WDR70: variants seen among roughly 807,000 people sequenced by gnomAD.
WDR70 encodes WD repeat domain 70.
A neutral mutation model predicts 88.6 loss-of-function variants in WDR70; 53 were observed. The observed-to-expected ratio is 0.60, with a 90% confidence interval of 0.48 to 0.75. The LOEUF is 0.75. WDR70 is among the 30% of genes least tolerant of loss of function. The pLI is 0.00. For missense variants in WDR70, 610 were observed against 823.2 expected (o/e 0.74, Z 3.17); for synonymous variants, 280 against 270.0 (o/e 1.04, Z -0.36).
chr5:37,664,947 C>A (rs1480928603), intron 10 of WDR70, among the ~76,000 whole-genome samples: 1 of 152,186 alleles, frequency 6.6e-6, no homozygotes, highest in Non-Finnish European at 1.5e-5. Flanking sequence ...TCAAGGCAAT[C>A]TAAAGAATAG....
At chr5:37,581,337 A>C (rs956752168) in intron 9 of WDR70, among the ~76,000 whole-genome samples, 4 of 152,226 alleles carry the variant, frequency 2.6e-5, no homozygotes, top group Admixed American at 1.3e-4. Context: ...TGCTTTGTGT[A>C]TATTTCTCAT....
chr5:37,449,683 T>C (rs1373584874), intron 7 of WDR70, among the ~76,000 whole-genome samples: 1 of 151,830 alleles, frequency 6.6e-6, no homozygotes, highest in Non-Finnish European at 1.5e-5. Flanking sequence ...CCTGCCCCAG[T>C]TCTAGAATCA....
At chr5:37,479,178 CAAT>C (rs1298853776) in intron 7 of WDR70, among the ~76,000 whole-genome samples, 1 of 151,914 alleles carries the variant, frequency 6.6e-6, no homozygotes, top group Non-Finnish European at 1.5e-5. Context: ...AAGTTTATAA[CAAT>C]AATGAGAGGA....
At chr5:37,597,089 A>G (rs1743725216) in intron 9 of WDR70, among the ~76,000 whole-genome samples, 1 of 152,212 alleles carries the variant, frequency 6.6e-6, no homozygotes. Flanking sequence ...TATTTAGTGC[A>G]TTAACAGAAT....
intron 9 of WDR70, among the ~76,000 whole-genome samples, chr5:37,601,078 A>C (rs1279747173): frequency 6.6e-6 from 1 of 152,194 alleles, no homozygotes; most frequent in African/African-American, 2.4e-5. Flanking sequence ...GAAATTGTCA[A>C]AGTGGGTATC....
intron 9 of WDR70, among the ~76,000 whole-genome samples, chr5:37,588,644 A>G (rs981749829): frequency 2.6e-5 from 4 of 152,078 alleles, no homozygotes; most frequent in African/African-American, 9.7e-5. Flanking sequence ...CAGTGCCATC[A>G]TAGCTCACTG....
chr5:37,502,884 G>A (rs1354855735), intron 8 of WDR70, among the ~76,000 whole-genome samples: 2 of 152,164 alleles, frequency 1.3e-5, no homozygotes, highest in Non-Finnish European at 2.9e-5. Context: ...CACAAAGACA[G>A]CACTAATCCA....
intron 9 of WDR70, among the ~76,000 whole-genome samples, chr5:37,581,448 A>G (rs1561910401): frequency 1.3e-5 from 2 of 152,302 alleles, no homozygotes; most frequent in East Asian, 3.9e-4. Context: ...GACAGGAGTT[A>G]AAAACAGGCA....
At chr5:37,721,886 G>C (rs1168719949) in intron 14 of WDR70, 1 of 152,182 alleles carries the variant, frequency 6.6e-6, no homozygotes, top group East Asian at 1.9e-4. Context: ...GCTTTCTTTA[G>C]AGTAAGACTT....
At chr5:37,611,079 T>C (rs1395454372) in intron 10 of WDR70, among the ~76,000 whole-genome samples, 2 of 152,174 alleles carry the variant, frequency 1.3e-5, no homozygotes, top group Non-Finnish European at 2.9e-5. Context: ...ACTTAAAGTC[T>C]CTTAGAAGTC....
intron 14 of WDR70, 56 bp downstream of exon 14, chr5:37,721,271 T>A: frequency 5.6e-6 from 8 of 1,431,636 alleles, no homozygotes; most frequent in Non-Finnish European, 6.9e-6. Context: ...GGGGAGGGAT[T>A]TCCCTCCCAC....
intron 10 of WDR70, among the ~76,000 whole-genome samples, chr5:37,657,644 G>A (rs1383254138): frequency 6.6e-6 from 1 of 152,150 alleles, no homozygotes; most frequent in African/African-American, 2.4e-5. Context: ...CCATTCAGCC[G>A]ATGTCACCCT....
intron 5 of WDR70, among the ~76,000 whole-genome samples, chr5:37,414,684 T>C (rs922123525): frequency 6.6e-6 from 1 of 152,048 alleles, no homozygotes; most frequent in Non-Finnish European, 1.5e-5. Flanking sequence ...GAAATATTAG[T>C]TGAATGAATG....
Position 37,662,938 on chromosome 5 carries a change from G to A in WDR70, c.1093-34717G>A, listed in dbSNP as rs192470798. On this transcript the variant is annotated intron_variant, in intron 10 of 17. Transcript: ENST00000265107. Reference sequence around the variant, plus strand: ...AGTGTTATTAAAATACTGAGACTATGAATTACAGTGTAATCTTCTTGAAGG... The same window carrying A: ...AGTGTTATTAAAATACTGAGACTATAAATTACAGTGTAATCTTCTTGAAGG... Among the ~76,000 whole-genome samples, 22 of 152,246 alleles carry A rather than the reference G, an allele frequency of 1.4e-4. 2 individuals carry two copies. The highest frequency in any genetic ancestry group is 4.3e-4 in the African/African-American group (18 of 41,552).
chr5:37,507,615 A>G (rs1054846563), intron 8 of WDR70, among the ~76,000 whole-genome samples: 4 of 152,200 alleles, frequency 2.6e-5, no homozygotes, highest in African/African-American at 9.6e-5. Flanking sequence ...CTGAAGATCA[A>G]TTTGGAGAAT....
intron 17 of WDR70, among the ~76,000 whole-genome samples, chr5:37,749,901 G>A: frequency 6.7e-6 from 1 of 149,746 alleles, no homozygotes; most frequent in East Asian, 1.9e-4. Context: ...TCTCATGGCT[G>A]CTAGGAAATT....
intron 9 of WDR70, among the ~76,000 whole-genome samples, chr5:37,599,216 A>G (rs1292582033): frequency 6.6e-6 from 1 of 152,248 alleles, no homozygotes; most frequent in African/African-American, 2.4e-5. Context: ...AGAAATGGGA[A>G]AATGTTCTAA....
At chr5:37,423,456 A>G (rs1053951615) in intron 5 of WDR70, among the ~76,000 whole-genome samples, 8 of 151,786 alleles carry the variant, frequency 5.3e-5, no homozygotes, top group Admixed American at 3.9e-4. Flanking sequence ...TTCAACTACC[A>G]TAGTTTCATT....
At chr5:37,440,288 TA>T (rs1750613980) in intron 6 of WDR70, among the ~76,000 whole-genome samples, 1 of 152,176 alleles carries the variant, frequency 6.6e-6, no homozygotes, top group African/African-American at 2.4e-5. Context: ...TGATACACAT[TA>T]ATTCTTTTAA....
Sources: gnomAD v4.1 joint callset for allele counts (sites outside exome capture counted in the v4.1 genomes callset) on GRCh38, gnomAD v4.1.1 for gene constraint, MANE v1.5 for transcripts, NCBI Gene and HGNC (gene_info 2026-07-23, HGNC 2026-07-21) for gene names.